Variants in CENPA observed in about 807,000 individuals in gnomAD.
CENPA encodes centromere protein A.
CENPA carries 7 observed loss-of-function variants against 17.2 expected under a neutral mutation model. The ratio of observed to expected loss-of-function variants is 0.41; its 90% CI spans 0.23 to 0.76. The LOEUF is 0.76. Among genes scored for constraint, CENPA ranks in the 30% least tolerant of loss-of-function variants. The pLI is 0.34. For synonymous variants in CENPA, 82 were observed against 77.4 expected (o/e 1.06, Z -0.31); for missense variants, 149 against 193.1 (o/e 0.77, Z 1.35).
At position 26,792,245 on chromosome 2, in the gene CENPA, G is replaced by A; in HGVS notation, c.210+5G>A. On this transcript the variant is annotated splice_donor_5th_base_variant and intron_variant, in intron 2 of 4. Coordinates refer to ENST00000335756, the MANE Select transcript of CENPA (RefSeq NM_001809.4). ...AAGCTGCCCTTCAGCCGCCTGGTAA[G>A]CTCCGGGAGCTTCCCACCAACCCCT... 6.2e-7 allele frequency: 1 copy of A among 1,610,332 alleles called. No homozygotes were observed. The highest frequency in any genetic ancestry group is 1.3e-5 in the African/African-American group (1 of 74,878).
At chr2:26,786,968 A>C (rs377056978) in intron 1 of CENPA, among the ~76,000 whole-genome samples, 8 of 152,304 alleles carry the variant, frequency 5.3e-5, no homozygotes, top group African/African-American at 1.9e-4. Context: ...CGGCAGGAGG[A>C]GGCAGATGCC....
rs754206711 is a variant in CENPA, at chr2:26,792,103, C to A, written c.101-28C>A. On this transcript the variant is annotated intron_variant, in intron 1 of 4. Coordinates refer to ENST00000335756, the MANE Select transcript of CENPA (RefSeq NM_001809.4). ...CAAGCTGCGAGGCACCACCTATTTT[C>A]CACTGAACTTACCTTTCTTTTGCTC... 1.9e-6 allele frequency: 3 copies of A among 1,602,476 alleles called. No individual in the cohort carries two copies. In the East Asian group the frequency reaches 6.7e-5, roughly 36 times the overall value.
intron 1 of CENPA, among the ~76,000 whole-genome samples, chr2:26,787,931 C>G (rs1009510468): frequency 3.3e-5 from 5 of 152,092 alleles, no homozygotes; most frequent in African/African-American, 1.2e-4. Context: ...CATTTCTACA[C>G]ATTTTATTTA....
At position 26,786,231 on chromosome 2, in the gene CENPA, C is replaced by G. The variant is rs1192513043; in HGVS notation, c.35C>G (p.Ala12Gly). ...CGCCGCCGGAGCCGAAAGCCCGAGG[C>G]CCCGAGGAGGCGCAGCCCGAGCCCG... ...GPRRRSRKPEAPRRRSPSPTP... is the reference protein window; with the variant it reads ...GPRRRSRKPEGPRRRSPSPTP... Residue 12 changes from alanine (A) to glycine (G), a missense_variant, in exon 1 of 5, where the codon GCC (alanine) becomes GGC (glycine). By Grantham distance (60) the Ala-to-Gly change is moderately conservative. Around this residue, in one of 2 missense-constraint regions of CENPA, gnomAD observed 95 missense variants for 87.5 expected, o/e 1.09. Coordinates refer to ENST00000335756, the MANE Select transcript of CENPA (RefSeq NM_001809.4). The G allele has an allele frequency of 2.8e-6, 4 of 1,431,224 alleles. No homozygotes were observed. In the African/African-American group the frequency reaches 6.0e-5, roughly 21 times the overall value. 88.7% of individuals were successfully genotyped at this position (1,431,224 alleles called of 1,614,324 possible).
intron 1 of CENPA, among the ~76,000 whole-genome samples, chr2:26,791,144 T>A (rs1664607539): frequency 6.6e-6 from 1 of 152,230 alleles, no homozygotes; most frequent in Non-Finnish European, 1.5e-5. Context: ...TTGTTTTGGT[T>A]TACTTTAATA....
At chr2:26,787,916 G>A (rs901681462) in intron 1 of CENPA, among the ~76,000 whole-genome samples, 1 of 152,046 alleles carries the variant, frequency 6.6e-6, no homozygotes, top group African/African-American at 2.4e-5. Flanking sequence ...TGAATCTTCC[G>A]TTTTCATTTC....
chr2:26,786,863 G>C (rs1664516823), intron 1 of CENPA, among the ~76,000 whole-genome samples: 1 of 152,138 alleles, frequency 6.6e-6, no homozygotes, highest in South Asian at 2.1e-4. Flanking sequence ...CCTCTGCGCT[G>C]CTCACTCTGT....
At chr2:26,789,705 G>A (rs537632470) in intron 1 of CENPA, among the ~76,000 whole-genome samples, 3 of 152,148 alleles carry the variant, frequency 2.0e-5, no homozygotes, top group Admixed American at 2.0e-4. Flanking sequence ...CCACAAGCCT[G>A]GGAGACCCCC....
chr2:26,793,326 G>A lies in CENPA; in HGVS notation c.*47G>A, dbSNP rs377719985. On this transcript the variant is annotated splice_region_variant and 3_prime_UTR_variant, in exon 4 of 5. Coordinates refer to ENST00000335756, the MANE Select transcript of CENPA (RefSeq NM_001809.4). ...GTCAGTCTTTCCTGCTCAGCCAGGG[G>A]GTAAGCTCATCCTCTTTCACAGGAC... 141 of 1,604,806 alleles carry A rather than the reference G, an allele frequency of 8.8e-5. No homozygotes were observed. The Middle Eastern group carries it at 1.2e-3, about 14-fold the overall frequency.
Position 26,786,107 on chromosome 2 carries a change from G to A in CENPA, c.-90G>A. ...TGAGGCTCGCGGCACAGCGTTCTCT[G>A]GGCTCCCCAGAAGCCAGCCTTTCGC... On this transcript the variant is annotated 5_prime_UTR_variant, in exon 1 of 5. Transcript: ENST00000335756. The A allele has an allele frequency of 1.1e-5, 15 of 1,317,680 alleles. No homozygotes were observed. The highest frequency in any genetic ancestry group is 1.5e-5 in the African/African-American group (1 of 64,716). The allele number at this position is 1,317,680 out of a possible 1,614,324, so 81.6% of individuals were successfully genotyped here. A position where few individuals can be genotyped will look rare whatever the true frequency, so the allele number is the denominator to read the frequency against.
intron 1 of CENPA, among the ~76,000 whole-genome samples, chr2:26,789,213 G>A (rs1447095169): frequency 6.6e-6 from 1 of 152,018 alleles, no homozygotes; most frequent in Non-Finnish European, 1.5e-5. Context: ...ACTCCTGTCA[G>A]GGTCACTAGC....
At chr2:26,793,107 C>T in intron 3 of CENPA, 38 bp from the exon 4 acceptor site, 1 of 1,612,190 alleles carries the variant, frequency 6.2e-7, no homozygotes, top group Non-Finnish European at 8.5e-7. Context: ...GCCCGTGGCC[C>T]TTCATCTGTG....
chr2:26,790,496 T>C (rs1379847822), intron 1 of CENPA, among the ~76,000 whole-genome samples: 1 of 152,040 alleles, frequency 6.6e-6, no homozygotes, highest in Admixed American at 6.5e-5. Flanking sequence ...CCGGCTAATT[T>C]TTGTATTTTT....
intron 1 of CENPA, among the ~76,000 whole-genome samples, chr2:26,790,535 A>C (rs1398641218): frequency 6.6e-6 from 1 of 152,186 alleles, no homozygotes; most frequent in Non-Finnish European, 1.5e-5. Context: ...CATGTTCATC[A>C]GGCTGGTCTC....
chr2:26,794,466 CT>C lies in CENPA; in HGVS notation c.*704del, dbSNP rs1412147514. 1 of 152,154 alleles carries C rather than the reference CT, an allele frequency of 6.6e-6. No homozygotes were observed. The highest frequency in any genetic ancestry group is 1.5e-5 in the Non-Finnish European group (1 of 68,036). 9.4% of individuals were successfully genotyped at this position (152,154 alleles called of 1,614,324 possible). ...AACTTGGAGAATTTAACATTTTACT[CT>C]TGTAAATCATAGAAGATGTATCATA... On this transcript the variant is annotated 3_prime_UTR_variant, in exon 5 of 5. Transcript: ENST00000335756.
At chr2:26,786,387 C>T (rs1664509080) in intron 1 of CENPA, 91 bp downstream of exon 1, 3 of 1,262,858 alleles carry the variant, frequency 2.4e-6, no homozygotes, top group African/African-American at 1.6e-5. Flanking sequence ...GTGGCACTTC[C>T]CTGTTGGGGG....
intron 4 of CENPA, 134 bp downstream of exon 4, chr2:26,793,460 C>T (rs182327504): frequency 8.8e-6 from 6 of 683,162 alleles, no homozygotes; most frequent in Non-Finnish European, 1.4e-5. Flanking sequence ...CTGCCTGGGA[C>T]AATGTGGTTT....
At chr2:26,793,033 AAT>A (rs1257739284) in intron 3 of CENPA, 110 bp from the exon 4 acceptor site, 3 of 1,452,204 alleles carry the variant, frequency 2.1e-6, no homozygotes, top group East Asian at 4.5e-5. Flanking sequence ...TCATTCTGTG[AAT>A]AGTTTCCTAC....
chr2:26,792,842 G>A lies in CENPA; in HGVS notation c.288+9G>A, dbSNP rs747069278. 1.5e-5 allele frequency: 24 copies of A among 1,613,180 alleles called. No homozygotes were observed. The highest frequency in any genetic ancestry group is 9.3e-5 in the African/African-American group (7 of 74,870). On this transcript the variant is annotated intron_variant, in intron 3 of 4. Coordinates refer to ENST00000335756, the MANE Select transcript of CENPA (RefSeq NM_001809.4). ...TATTGGCCCTACAAGAGGTAAGAAG[G>A]CACCAAGGCACAATTGGGTGAGGGC...
Sources: gnomAD v4.1 joint callset for allele counts (sites outside exome capture counted in the v4.1 genomes callset) on GRCh38, gnomAD v4.1.1 for gene constraint, gnomAD v4.1.1 regional missense constraint, MANE v1.5 for transcripts, NCBI Gene and HGNC (gene_info 2026-07-23, HGNC 2026-07-21) for gene names.